The following NR3C1 variants were observed in gnomAD, a reference collection of about 807,000 sequenced individuals.
The protein encoded by NR3C1 is glucocorticoid receptor.
NR3C1 carries 14 observed loss-of-function variants against 74.0 expected under a neutral mutation model. The ratio of observed to expected loss-of-function variants is 0.19; its 90% CI spans 0.12 to 0.30. NR3C1 has a LOEUF of 0.30. Among genes scored for constraint, NR3C1 ranks in the 10% least tolerant of loss-of-function variants. The pLI is 1.00. For synonymous variants in NR3C1, 308 were observed against 332.5 expected (o/e 0.93, Z 0.80); for missense variants, 695 against 909.8 (o/e 0.76, Z 3.04).
At chr5:143,413,264 A>T (rs1013602470) in intron 1 of NR3C1, among the ~76,000 whole-genome samples, 4 of 152,180 alleles carry the variant, frequency 2.6e-5, no homozygotes, top group African/African-American at 7.2e-5. Flanking sequence ...GATGGTGGTC[A>T]CGGAGGGTTT....
chr5:143,321,013 A>G (rs1823251491), intron 2 of NR3C1, among the ~76,000 whole-genome samples: 1 of 152,204 alleles, frequency 6.6e-6, no homozygotes. Context: ...AAGAAAGACT[A>G]AAAACTTTTT....
intron 2 of NR3C1, among the ~76,000 whole-genome samples, chr5:143,342,679 G>A (rs530592539): frequency 1.3e-5 from 2 of 152,268 alleles, no homozygotes; most frequent in East Asian, 3.9e-4. Flanking sequence ...AAAAATGATC[G>A]AGTTCCTAGC....
At chr5:143,425,364 C>G (rs557460126) in intron 1 of NR3C1, among the ~76,000 whole-genome samples, 1 of 152,186 alleles carries the variant, frequency 6.6e-6, no homozygotes, top group East Asian at 1.9e-4. Flanking sequence ...TGGACTTCAT[C>G]ACAATGAAAA....
chr5:143,301,558 T>C (rs1261535496), intron 4 of NR3C1, among the ~76,000 whole-genome samples: 1 of 152,168 alleles, frequency 6.6e-6, no homozygotes, highest in African/African-American at 2.4e-5. Context: ...TATGGAACCA[T>C]CTACTCAAAC....
At chr5:143,319,631 C>T (rs1189942992) in intron 2 of NR3C1, among the ~76,000 whole-genome samples, 3 of 152,042 alleles carry the variant, frequency 2.0e-5, no homozygotes, top group Non-Finnish European at 2.9e-5. Context: ...TTGGTTATCA[C>T]GGTTGGGGAA....
intron 1 of NR3C1, among the ~76,000 whole-genome samples, chr5:143,433,018 T>C (rs1173733130): frequency 6.6e-6 from 1 of 152,186 alleles, no homozygotes; most frequent in African/African-American, 2.4e-5. Flanking sequence ...TCGATTTAGT[T>C]TCCATTTTAA....
At chr5:143,306,186 T>C (rs1274620741) in intron 4 of NR3C1, among the ~76,000 whole-genome samples, 1 of 152,204 alleles carries the variant, frequency 6.6e-6, no homozygotes, top group Non-Finnish European at 1.5e-5. Context: ...GGCCACTCCC[T>C]TAAAATAAAT....
At chr5:143,386,188 AGAG>A (rs1490798684) in intron 2 of NR3C1, among the ~76,000 whole-genome samples, 3 of 152,226 alleles carry the variant, frequency 2.0e-5, no homozygotes, top group East Asian at 3.9e-4. Context: ...TGAGAACAGC[AGAG>A]GAGAAGTCTG....
intron 2 of NR3C1, among the ~76,000 whole-genome samples, chr5:143,334,089 A>G (rs1287282791): frequency 1.3e-5 from 2 of 152,170 alleles, no homozygotes; most frequent in Non-Finnish European, 2.9e-5. Flanking sequence ...GTCAAAGAAA[A>G]GACAGTAGCT....
At chr5:143,403,718 C>G, upstream of NR3C1, 2 of 985,318 alleles carry the variant, frequency 2.0e-6, no homozygotes, top group Non-Finnish European at 2.4e-6. Context: ...CACACACGCG[C>G]TCCCACTCCA....
At chr5:143,350,125 G>A (rs1201666074) in intron 2 of NR3C1, among the ~76,000 whole-genome samples, 1 of 152,122 alleles carries the variant, frequency 6.6e-6, no homozygotes, top group Non-Finnish European at 1.5e-5. Flanking sequence ...GTAAGCCATG[G>A]TAAACCCTTA....
At chr5:143,374,171 A>G (rs1006286631) in intron 2 of NR3C1, among the ~76,000 whole-genome samples, 1 of 152,142 alleles carries the variant, frequency 6.6e-6, no homozygotes, top group African/African-American at 2.4e-5. Context: ...TTTACAGTGG[A>G]GCAAATGAAA....
At chr5:143,398,894 A>C (rs1331516334) in intron 2 of NR3C1, among the ~76,000 whole-genome samples, 1 of 152,186 alleles carries the variant, frequency 6.6e-6, no homozygotes, top group Non-Finnish European at 1.5e-5. Flanking sequence ...CGAAAGCTGA[A>C]AATTGAAGCT....
rs899416674 is a variant in NR3C1 at position 143,389,023 on chromosome 5, C to T, written c.1184+10633G>A. Reference sequence around the variant, plus strand: ...TTCATTTGTTTCAGACTCCTTGTTGCCCCTTTTCTTATTCCAAATAGTTGA... The same window carrying T: ...TTCATTTGTTTCAGACTCCTTGTTGTCCCTTTTCTTATTCCAAATAGTTGA... On this transcript the variant is annotated intron_variant, in intron 2 of 8. Coordinates refer to ENST00000394464, the MANE Select transcript of NR3C1 (RefSeq NM_000176.3). 3.3e-5 allele frequency among the ~76,000 whole-genome samples: 5 copies of T among 152,158 alleles called. No homozygotes were observed. In the South Asian group the frequency reaches 1.0e-3, roughly 31 times the overall value.
chr5:143,313,263 T>G lies in NR3C1; in HGVS notation c.1351+739A>C, dbSNP rs558139916. 2.0e-5 allele frequency among the ~76,000 whole-genome samples: 3 copies of G among 152,338 alleles called. No homozygotes were observed. The South Asian group carries it at 6.2e-4, about 32-fold the overall frequency. On this transcript the variant is annotated intron_variant, in intron 3 of 8. Transcript: ENST00000394464. ...TAATAAATTTGCTATGGAATGAATTTCTCATTCTTTAGGGAGATAATGCTG... is the reference window on the plus strand; with the variant it reads ...TAATAAATTTGCTATGGAATGAATTGCTCATTCTTTAGGGAGATAATGCTG...
chr5:143,405,458 C>G (rs1841056383), upstream of NR3C1: 3 of 662,626 alleles, frequency 4.5e-6, no homozygotes, highest in Middle Eastern at 7.5e-4. Context: ...AGCCCGTCCC[C>G]GCGGCCACCA....
intron 2 of NR3C1, among the ~76,000 whole-genome samples, chr5:143,367,380 C>G (rs1420511320): frequency 2.0e-5 from 3 of 152,138 alleles, no homozygotes; most frequent in Admixed American, 2.0e-4. Flanking sequence ...CACTGCTATT[C>G]AACACTGCAC....
chr5:143,284,215 G>C (rs1562695355), intron 7 of NR3C1, among the ~76,000 whole-genome samples: 2 of 152,138 alleles, frequency 1.3e-5, no homozygotes, highest in Middle Eastern at 6.8e-3. Flanking sequence ...CAAAGTGCTG[G>C]GATTTCAGGC....
At chr5:143,383,578 T>C (rs894124964) in intron 2 of NR3C1, among the ~76,000 whole-genome samples, 1 of 151,982 alleles carries the variant, frequency 6.6e-6, no homozygotes, top group African/African-American at 2.4e-5. Flanking sequence ...TCAGATGAGG[T>C]GGGGGGCTAT....
Sources: allele counts gnomAD v4.1 joint callset (sites outside exome capture counted in the v4.1 genomes callset), GRCh38; gene constraint gnomAD v4.1.1; transcripts MANE v1.5; gene names NCBI Gene and HGNC (gene_info 2026-07-23, HGNC 2026-07-21).